GALNT10: variants seen among roughly 807,000 people sequenced by gnomAD.
GALNT10 encodes the protein GalNAc transferase 10.
In GALNT10, 41 loss-of-function variants were observed where a neutral mutation model predicts 75.0. The observed-to-expected ratio is 0.55, with a 90% confidence interval of 0.43 to 0.71. GALNT10 has a LOEUF of 0.71. Ranked by LOEUF, GALNT10 falls within the 30% of genes least tolerant of loss-of-function variation. GALNT10 has a pLI of 0.00. For synonymous variants in GALNT10, 302 were observed against 313.0 expected (o/e 0.96, Z 0.37); for missense variants, 727 against 818.5 (o/e 0.89, Z 1.36).
In GALNT10 at chr5:154,402,902, G is replaced by C. The variant is rs1416182449; in HGVS notation, c.1057-1202G>C. On this transcript the variant is annotated intron_variant, in intron 7 of 11. Transcript: ENST00000297107. This position sits in a 1 kb window ranked among gnomAD's most constrained non-coding sequence, Gnocchi z 4.2. ...ACCGTCATTTCTGCAGTATCCTGTG[G>C]GTTACACAGGTCAGTCCTCATGTGA... 1 of 152,210 alleles carries C rather than the reference G, an allele frequency of 6.6e-6. No individual in the cohort carries two copies. Among genetic ancestry groups the C allele is most frequent in the Non-Finnish European group, 1.5e-5 (1 of 68,046 alleles). 9.4% of individuals were successfully genotyped at this position (152,210 alleles called of 1,614,324 possible).
chr5:154,269,725 G>C (rs1000874936), intron 1 of GALNT10, among the ~76,000 whole-genome samples: 1 of 152,246 alleles, frequency 6.6e-6, no homozygotes. Flanking sequence ...AACAGTGTCA[G>C]TGGAGGGAGC....
intron 4 of GALNT10, among the ~76,000 whole-genome samples, chr5:154,336,214 G>A (rs555612484): frequency 3.3e-5 from 5 of 152,130 alleles, no homozygotes; most frequent in Non-Finnish European, 7.4e-5. Flanking sequence ...GTATACCACA[G>A]TTTGTTTATC....
intron 1 of GALNT10, among the ~76,000 whole-genome samples, chr5:154,269,652 A>G (rs1753832173): frequency 1.3e-5 from 2 of 152,260 alleles, no homozygotes; most frequent in South Asian, 4.1e-4. Context: ...GTTGGCTTCC[A>G]CAACCCAAGC....
intron 7 of GALNT10, among the ~76,000 whole-genome samples, chr5:154,403,089 C>G (rs1445221665): frequency 6.6e-6 from 1 of 152,212 alleles, no homozygotes; most frequent in Non-Finnish European, 1.5e-5. Context: ...ATCTTCCAGT[C>G]CTGCCTCCTC....
At chr5:154,271,749 A>G (rs1753869094) in intron 1 of GALNT10, among the ~76,000 whole-genome samples, 2 of 152,212 alleles carry the variant, frequency 1.3e-5, no homozygotes, top group South Asian at 4.1e-4. Context: ...CCTAGAGAGG[A>G]AAGAGTCAAA....
intron 7 of GALNT10, among the ~76,000 whole-genome samples, chr5:154,400,815 G>A (rs543082296): frequency 3.9e-4 from 59 of 152,262 alleles, no homozygotes; most frequent in African/African-American, 1.4e-3. Flanking sequence ...AGCAAGAAGT[G>A]AGTGGAATGA....
intron 3 of GALNT10, among the ~76,000 whole-genome samples, chr5:154,310,528 C>T (rs370089871): frequency 1.3e-5 from 2 of 151,646 alleles, no homozygotes; most frequent in East Asian, 1.9e-4. Flanking sequence ...GGAGTGCAGG[C>T]GTGATCTCGG....
At chr5:154,251,204 C>A (rs140290693) in intron 1 of GALNT10, among the ~76,000 whole-genome samples, 1 of 152,074 alleles carries the variant, frequency 6.6e-6, no homozygotes, top group African/African-American at 2.4e-5. Flanking sequence ...CTGATCACAG[C>A]CCCCTCTTTC....
intron 1 of GALNT10, among the ~76,000 whole-genome samples, chr5:154,260,772 C>G (rs1228350915): frequency 6.6e-6 from 1 of 152,146 alleles, no homozygotes; most frequent in Non-Finnish European, 1.5e-5. Context: ...TAATGTAATG[C>G]TCTTTTAAGT....
At chr5:154,305,919 G>T (rs1381473427) in intron 3 of GALNT10, among the ~76,000 whole-genome samples, 1 of 152,150 alleles carries the variant, frequency 6.6e-6, no homozygotes, top group Admixed American at 6.5e-5. Flanking sequence ...TCAGGAAGGT[G>T]AAGCAGGAGA....
At chr5:154,247,560 C>G (rs1010893865) in intron 1 of GALNT10, among the ~76,000 whole-genome samples, 21 of 151,680 alleles carry the variant, frequency 1.4e-4, no homozygotes, top group African/African-American at 4.4e-4. Context: ...GTATTTTATT[C>G]TCTTTGAAGC....
intron 1 of GALNT10, among the ~76,000 whole-genome samples, chr5:154,267,676 A>T (rs114446911): frequency 0.016 from 2,373 of 152,280 alleles, 58 homozygotes; most frequent in African/African-American, 0.053. Context: ...ATAGTGAGGT[A>T]TGTAGACCAA....
chr5:154,385,863 C>T (rs1351932634), intron 6 of GALNT10, among the ~76,000 whole-genome samples: 3 of 152,170 alleles, frequency 2.0e-5, no homozygotes, highest in Non-Finnish European at 2.9e-5. Flanking sequence ...GGCTGCCTCC[C>T]GCAAGGATTG....
chr5:154,207,330 C>T (rs907323920), intron 1 of GALNT10, among the ~76,000 whole-genome samples: 2 of 152,154 alleles, frequency 1.3e-5, no homozygotes, highest in South Asian at 4.1e-4. Flanking sequence ...GAGAGCTGTC[C>T]TGGGAGCACC....
Position 154,416,900 on chromosome 5 carries a change from A to G in GALNT10, c.1740A>G (p.Pro580=), listed in dbSNP as rs770342292. The change falls in exon 12 of 12, where the codon CCA becomes CCG. Residue 580 remains proline (P), a synonymous_variant. Coordinates refer to ENST00000297107, the MANE Select transcript of GALNT10 (RefSeq NM_198321.4). This position sits in a 1 kb window ranked among gnomAD's most constrained non-coding sequence, Gnocchi z 4.5. ...DHRIFMNTCN[P]SSLTQQWLFE... ...GGATCTTCATGAACACCTGCAACCC[A>G]TCCTCTCTCACCCAGCAGTGGCTGT... is the stretch of plus-strand genomic sequence containing the variant. 11 of 1,613,896 alleles carry G rather than the reference A, an allele frequency of 6.8e-6. No homozygotes were observed. Among genetic ancestry groups the G allele is most frequent in the Non-Finnish European group, 9.3e-6 (11 of 1,179,768 alleles).
At chr5:154,372,764 C>T (rs961312313) in intron 4 of GALNT10, among the ~76,000 whole-genome samples, 2 of 152,092 alleles carry the variant, frequency 1.3e-5, no homozygotes, top group African/African-American at 4.8e-5. Context: ...GGCAGAATGG[C>T]AGATGCTGGC....
chr5:154,282,483 T>C (rs1754054208), intron 1 of GALNT10, among the ~76,000 whole-genome samples: 1 of 152,202 alleles, frequency 6.6e-6, no homozygotes, highest in Non-Finnish European at 1.5e-5. Flanking sequence ...AAAATTCTTA[T>C]TACTGTGGAA....
intron 1 of GALNT10, among the ~76,000 whole-genome samples, chr5:154,243,646 A>C (rs1018455079): frequency 3.9e-5 from 6 of 152,240 alleles, no homozygotes; most frequent in Admixed American, 1.3e-4. Flanking sequence ...TCATGTGGTC[A>C]TCATGAGGAT....
intron 10 of GALNT10, among the ~76,000 whole-genome samples, chr5:154,413,749 G>A (rs1158456381): frequency 2.0e-5 from 3 of 152,212 alleles, no homozygotes; most frequent in Non-Finnish European, 4.4e-5. Context: ...TGCAGCCTGG[G>A]TGGAGTGACA....
Sources: allele counts gnomAD v4.1 joint callset (sites outside exome capture counted in the v4.1 genomes callset), GRCh38; gene constraint gnomAD v4.1.1; non-coding constraint Gnocchi (gnomAD v3.1); transcripts MANE v1.5; gene names NCBI Gene and HGNC (gene_info 2026-07-23, HGNC 2026-07-21).